Variants in GRAMD1B observed in about 807,000 individuals in gnomAD.
GRAMD1B encodes the protein GRAM domain containing 1B.
GRAMD1B carries 37 observed loss-of-function variants against 99.7 expected under a neutral mutation model. That is an observed-to-expected ratio of 0.37 (90% confidence interval 0.29 to 0.49). The LOEUF (loss-of-function observed/expected upper bound fraction) is 0.49. Among genes scored for constraint, GRAMD1B ranks in the 20% least tolerant of loss-of-function variants. The probability of loss-of-function intolerance (pLI) is 0.98; values close to 1 mark genes in which losing one functional copy is unlikely to be tolerated. For missense variants in GRAMD1B, 888 were observed against 1,009.2 expected, an observed-to-expected ratio of 0.88 and a Z score of 1.63; for synonymous variants, 427 against 387.6, an observed-to-expected ratio of 1.10 and a Z score of -1.19.
chr11:123,370,723 TG>T (rs34675846), intron 1 of GRAMD1B, among the ~76,000 whole-genome samples: 18,011 of 151,874 alleles, frequency 0.12, 1,953 homozygotes, highest in African/African-American at 0.29. Flanking sequence ...GGGAGTGAGG[TG>T]GGAGTTCAGA....
At chr11:123,374,985 C>T (rs1381237945) in intron 1 of GRAMD1B, among the ~76,000 whole-genome samples, 1 of 152,142 alleles carries the variant, frequency 6.6e-6, no homozygotes, top group Non-Finnish European at 1.5e-5. Flanking sequence ...TTATCATCAT[C>T]GTCACTAACA....
chr11:123,493,481 A>G (rs1040687649), intron 2 of GRAMD1B, among the ~76,000 whole-genome samples: 7 of 152,150 alleles, frequency 4.6e-5, no homozygotes, highest in Non-Finnish European at 1.0e-4. Flanking sequence ...GTAATGTTTG[A>G]CTTCCCAGTT....
chr11:123,403,606 C>A (rs1591443483), intron 1 of GRAMD1B, among the ~76,000 whole-genome samples: 2 of 151,662 alleles, frequency 1.3e-5, no homozygotes, highest in African/African-American at 4.9e-5. Context: ...GCAGTGGCAG[C>A]AATCTCGGCT....
At chr11:123,558,684 G>A (rs527732904) in intron 2 of GRAMD1B, among the ~76,000 whole-genome samples, 34 of 152,344 alleles carry the variant, frequency 2.2e-4, no homozygotes, top group Middle Eastern at 3.4e-3. Flanking sequence ...AGAAGAAGTC[G>A]GACTTGAGCC....
chr11:123,499,732 G>A (rs1939663675), intron 2 of GRAMD1B, among the ~76,000 whole-genome samples: 1 of 152,198 alleles, frequency 6.6e-6, no homozygotes, highest in South Asian at 2.1e-4. Flanking sequence ...GAGATGGGCT[G>A]TGGGAGTAGA....
intron 2 of GRAMD1B, among the ~76,000 whole-genome samples, chr11:123,535,221 C>G (rs1415821019): frequency 6.9e-6 from 1 of 145,788 alleles, no homozygotes; most frequent in African/African-American, 2.5e-5. Flanking sequence ...AATCATGATG[C>G]TTCTGTGAGC....
chr11:123,597,302 A>G (rs1951409417), intron 7 of GRAMD1B, among the ~76,000 whole-genome samples: 1 of 121,404 alleles, frequency 8.2e-6, no homozygotes, highest in Non-Finnish European at 1.6e-5. Flanking sequence ...ACAGGCTCTC[A>G]CTATGTTACC....
At chr11:123,418,504 T>C (rs1948311726) in intron 1 of GRAMD1B, among the ~76,000 whole-genome samples, 1 of 152,178 alleles carries the variant, frequency 6.6e-6, no homozygotes, top group African/African-American at 2.4e-5. Flanking sequence ...CAGGGATTCA[T>C]AGTCCAAACA....
At chr11:123,551,207 A>G (rs1057467503) in intron 2 of GRAMD1B, among the ~76,000 whole-genome samples, 2 of 152,202 alleles carry the variant, frequency 1.3e-5, no homozygotes, top group African/African-American at 4.8e-5. Context: ...CTCCTGGACT[A>G]GTCATTGGAT....
intron 2 of GRAMD1B, among the ~76,000 whole-genome samples, chr11:123,563,426 A>G (rs907761311): frequency 6.6e-6 from 1 of 152,218 alleles, no homozygotes; most frequent in Admixed American, 6.5e-5. Flanking sequence ...GAGGGATTAT[A>G]ACTGATGAAC....
Position 123,606,716 on chromosome 11 carries a change from T to C in GRAMD1B, c.1431T>C (p.Pro477=). 6.2e-7 allele frequency: 1 copy of C among 1,613,184 alleles called. No individual in the cohort carries two copies. The highest frequency in any genetic ancestry group is 8.5e-7 in the Non-Finnish European group (1 of 1,179,266). The part of the protein sequence containing the change: ...IMGEKIEMIA[P]VNSPSLDFND... The stretch of plus-strand genomic sequence containing the variant: ...GGGAGAAGATTGAGATGATCGCTCC[T>C]GTGAACTCCCCTTCACTGGACTTCA... The change falls in exon 11 of 20, where the codon CCT becomes CCC. Residue 477 remains proline, a synonymous_variant. Coordinates refer to ENST00000635736, the MANE Select transcript of GRAMD1B (RefSeq NM_001387025.1).
At chr11:123,381,491 C>T (rs887813157) in intron 1 of GRAMD1B, 2 of 154,178 alleles carry the variant, frequency 1.3e-5, no homozygotes, top group Non-Finnish European at 2.9e-5. Context: ...TGATAATCAC[C>T]GGAAGGCCTT....
chr11:123,414,137 C>T (rs1948148421), intron 1 of GRAMD1B, among the ~76,000 whole-genome samples: 1 of 151,992 alleles, frequency 6.6e-6, no homozygotes, highest in African/African-American at 2.4e-5. Context: ...CTCCGCCTCC[C>T]AGGTTCAAAC....
At chr11:123,444,023 A>G (rs1220240483) in intron 1 of GRAMD1B, among the ~76,000 whole-genome samples, 3 of 152,230 alleles carry the variant, frequency 2.0e-5, no homozygotes, top group Admixed American at 6.5e-5. Context: ...AGTCTCCCAC[A>G]TGGCTGCCCT....
chr11:123,560,771 G>A (rs1946678831), intron 2 of GRAMD1B: 1 of 450,620 alleles, frequency 2.2e-6, no homozygotes, highest in South Asian at 1.6e-5. Context: ...TGGAAGCGGT[G>A]GCTCTGTCCT....
chr11:123,530,760 GCT>G (rs1454176302), intron 2 of GRAMD1B, among the ~76,000 whole-genome samples: 1 of 152,224 alleles, frequency 6.6e-6, no homozygotes, highest in African/African-American at 2.4e-5. Flanking sequence ...ATAGAGCCAG[GCT>G]TCCCAGCTAT....
chr11:123,452,388 G>C (rs1949926506), intron 1 of GRAMD1B, among the ~76,000 whole-genome samples: 1 of 152,168 alleles, frequency 6.6e-6, no homozygotes, highest in Non-Finnish European at 1.5e-5. Flanking sequence ...GCTTATGCCT[G>C]TAGTCCCAGC....
Position 123,577,484 on chromosome 11 carries a change from T to C in GRAMD1B, c.570T>C (p.Asp190=). Residue 190 remains aspartate, a synonymous_variant, in exon 3 of 20, where the codon GAT becomes GAC. Coordinates refer to ENST00000635736, the MANE Select transcript of GRAMD1B (RefSeq NM_001387025.1). ...ACACCATGGTGGAGAAGGGCTCAGA[T>C]CACTCCTCGGACAAGTCCCCGTCCA... is the stretch of plus-strand genomic sequence containing the variant. ...DGDTMVEKGS[D]HSSDKSPSTP... 3 of 1,604,214 alleles carry C rather than the reference T, an allele frequency of 1.9e-6. No homozygotes were observed. The highest frequency in any genetic ancestry group is 2.6e-6 in the Non-Finnish European group (3 of 1,175,650).
At chr11:123,394,504 C>T (rs963465906) in intron 1 of GRAMD1B, among the ~76,000 whole-genome samples, 1 of 152,208 alleles carries the variant, frequency 6.6e-6, no homozygotes, top group Non-Finnish European at 1.5e-5. Flanking sequence ...ATCTTGAAAC[C>T]TCCATAGTAC....
Sources: gnomAD v4.1 joint callset for allele counts (sites outside exome capture counted in the v4.1 genomes callset) on GRCh38, gnomAD v4.1.1 for gene constraint, MANE v1.5 for transcripts, NCBI Gene and HGNC (gene_info 2026-07-23, HGNC 2026-07-21) for gene names.